The following ST3GAL4 variants were observed in gnomAD, a reference collection of about 807,000 sequenced individuals.
ST3GAL4 encodes the protein CMP-N-acetylneuraminate-beta-galactosamide-alpha-2,3-sialyltransferase 4.
Under a neutral mutation model 42.6 loss-of-function variants are expected in ST3GAL4, and 24 were observed. That is an observed-to-expected ratio of 0.56 (90% CI 0.41 to 0.79). ST3GAL4 has a LOEUF of 0.79. Among genes scored for constraint, ST3GAL4 ranks in the 30% least tolerant of loss-of-function variants. ST3GAL4 has a pLI of 0.00. For missense variants in ST3GAL4, 311 were observed against 430.8 expected, an observed-to-expected ratio of 0.72 and a Z score of 2.46; for synonymous variants, 135 against 163.2, an observed-to-expected ratio of 0.83 and a Z score of 1.32.
rs992299714 is a variant in ST3GAL4, at chr11:126,366,109, A to C, written c.-61+10267A>C. Among the ~76,000 whole-genome samples the C allele has an allele frequency of 1.3e-5, 2 of 151,986 alleles. No homozygotes were observed. Among genetic ancestry groups the C allele is most frequent in the Non-Finnish European group, 2.9e-5 (2 of 67,996 alleles). ...GAGGTTCCTGAGGGCTGGCACAGCC[A>C]CTCCCTGCCCCTTAGAGGCTCCGGG... On this transcript the variant is annotated intron_variant, in intron 1 of 10. Transcript: ENST00000444328. The surrounding 1 kb of genome is among the most constrained non-coding windows in gnomAD (Gnocchi z 4.2).
intron 1 of ST3GAL4, among the ~76,000 whole-genome samples, chr11:126,369,316 C>T (rs1333181701): frequency 6.6e-6 from 1 of 151,190 alleles, no homozygotes; most frequent in Non-Finnish European, 1.5e-5. Flanking sequence ...GGTGTGATCT[C>T]GGCTCACTGC....
In ST3GAL4 at chr11:126,366,588, G is replaced by T. The variant is rs956936278; in HGVS notation, c.-61+10746G>T. 3.3e-5 allele frequency among the ~76,000 whole-genome samples: 5 copies of T among 152,112 alleles called. No individual in the cohort carries two copies. Among genetic ancestry groups the T allele is most frequent in the African/African-American group, 1.2e-4 (5 of 41,406 alleles). The stretch of plus-strand genomic sequence containing the variant: ...TTCCACTCTCCTTCCCGTGTGCAGG[G>T]CCCTCCCCTCTGGCGAGTCTGCCTC... On this transcript the variant is annotated intron_variant, in intron 1 of 10. Coordinates refer to ENST00000444328, the MANE Select transcript of ST3GAL4 (RefSeq NM_001254757.2). The surrounding 1 kb of genome is among the most constrained non-coding windows in gnomAD (Gnocchi z 4.2).
At position 126,404,159 on chromosome 11, in the gene ST3GAL4, G is replaced by A. The variant is rs151225142; in HGVS notation, c.-60-1937G>A. ...ACTTGGACAGATAGATGAATCGCCA[G>A]GGTATCGTGTTTAAATGCAGATTCT... On this transcript the variant is annotated intron_variant, in intron 1 of 10. Coordinates refer to ENST00000444328, the MANE Select transcript of ST3GAL4 (RefSeq NM_001254757.2). 4.0e-3 allele frequency among the ~76,000 whole-genome samples: 604 copies of A among 152,316 alleles called. 5 individuals carry two copies. Among genetic ancestry groups the A allele is most frequent in the African/African-American group, 0.012 (497 of 41,558 alleles).
At chr11:126,399,813 G>A (rs915637285) in intron 1 of ST3GAL4, among the ~76,000 whole-genome samples, 2 of 152,092 alleles carry the variant, frequency 1.3e-5, no homozygotes, top group Non-Finnish European at 2.9e-5. Flanking sequence ...TTGCTGCTTT[G>A]TAACAAGGAT....
chr11:126,414,157 T>G lies in ST3GAL4; in HGVS notation c.*110T>G. On this transcript the variant is annotated 3_prime_UTR_variant, in exon 11 of 11. Transcript: ENST00000444328. Reference sequence around the variant, plus strand: ...GTATGACCCACTTGGACTCACCCCCTCTTGGGGAGGGAGTTCTGGGCCTGG... The same window carrying G: ...GTATGACCCACTTGGACTCACCCCCGCTTGGGGAGGGAGTTCTGGGCCTGG... 4 of 1,060,234 alleles carry G rather than the reference T, an allele frequency of 3.8e-6. No homozygotes were observed. Among genetic ancestry groups the G allele is most frequent in the Admixed American group, 1.8e-5 (1 of 54,220 alleles). 65.7% of individuals were successfully genotyped at this position (1,060,234 alleles called of 1,614,324 possible).
At chr11:126,377,602 A>G (rs1329846021) in intron 1 of ST3GAL4, among the ~76,000 whole-genome samples, 1 of 149,318 alleles carries the variant, frequency 6.7e-6, no homozygotes, top group Non-Finnish European at 1.5e-5. Context: ...CTCCTGTCTC[A>G]GCCTCCTGAG....
chr11:126,399,306 T>TTTC (rs1422930285), intron 1 of ST3GAL4, among the ~76,000 whole-genome samples: 1 of 132,670 alleles, frequency 7.5e-6, no homozygotes, highest in East Asian at 2.2e-4. Flanking sequence ...TCCTTCTTTT[T>TTTC]TTTTTTTTTT....
rs1052553702 is a variant in ST3GAL4, at chr11:126,391,657, A to G, written c.-60-14439A>G. On this transcript the variant is annotated intron_variant, in intron 1 of 10. Transcript: ENST00000444328. This position sits in a 1 kb window ranked among gnomAD's most constrained non-coding sequence, Gnocchi z 5.5. ...TCTCCTTGCCTCCCTGGCTGCTACA[A>G]GGTCCTGTGTAGCATCTGGTGTGGA... Among the ~76,000 whole-genome samples, 2 of 152,124 alleles carry G rather than the reference A, an allele frequency of 1.3e-5. No individual in the cohort carries two copies. The highest frequency in any genetic ancestry group is 3.9e-4 in the East Asian group (2 of 5,194).
Position 126,366,717 on chromosome 11 carries a change from G to A in ST3GAL4, c.-61+10875G>A, listed in dbSNP as rs1254888170. ...GTCTGGAAACATCCTTGTTCATCAAGCACCAGGCTGACCATGGTGTCCGTC... is the reference window on the plus strand; with the variant it reads ...GTCTGGAAACATCCTTGTTCATCAAACACCAGGCTGACCATGGTGTCCGTC... On this transcript the variant is annotated intron_variant, in intron 1 of 10. Coordinates refer to ENST00000444328, the MANE Select transcript of ST3GAL4 (RefSeq NM_001254757.2). The surrounding 1 kb of genome is among the most constrained non-coding windows in gnomAD (Gnocchi z 4.2). Among the ~76,000 whole-genome samples the A allele has an allele frequency of 4.6e-5, 7 of 152,174 alleles. No homozygotes were observed. The highest frequency in any genetic ancestry group is 1.7e-4 in the African/African-American group (7 of 41,428).
chr11:126,410,650 T>C lies in ST3GAL4; in HGVS notation c.771+1239T>C, dbSNP rs3781781. On this transcript the variant is annotated intron_variant, in intron 9 of 10. Coordinates refer to ENST00000444328, the MANE Select transcript of ST3GAL4 (RefSeq NM_001254757.2). The surrounding 1 kb of genome is among the most constrained non-coding windows in gnomAD (Gnocchi z 5.3). ...TTTATTGTTTACTGAACATTTCCTGTTATTCCATGTTCTGTGTTGAATGGC... is the reference window on the plus strand; with the variant it reads ...TTTATTGTTTACTGAACATTTCCTGCTATTCCATGTTCTGTGTTGAATGGC... Among the ~76,000 whole-genome samples the C allele has an allele frequency of 0.33, 50,565 of 151,884 alleles. 8,647 individuals carry two copies. The highest frequency in any genetic ancestry group is 0.52 in the East Asian group (2,687 of 5,146).
Position 126,387,763 on chromosome 11 carries a change from T to G in ST3GAL4, c.-60-18333T>G, listed in dbSNP as rs542483520. On this transcript the variant is annotated intron_variant, in intron 1 of 10. Coordinates refer to ENST00000444328, the MANE Select transcript of ST3GAL4 (RefSeq NM_001254757.2). ...ATTCCAGACCTCTGACCCCCAGGAC[T>G]TTTCTCTTGAGAGGCCATAGCCTTT... 7.4e-5 allele frequency among the ~76,000 whole-genome samples: 11 copies of G among 148,092 alleles called. No individual in the cohort carries two copies. The South Asian group carries it at 2.4e-3, about 32-fold the overall frequency.
At position 126,408,507 on chromosome 11, in the gene ST3GAL4, G is replaced by A; in HGVS notation, c.627+11G>A. 1 of 1,613,708 alleles carries A rather than the reference G, an allele frequency of 6.2e-7. No individual in the cohort carries two copies. The highest frequency in any genetic ancestry group is 8.5e-7 in the Non-Finnish European group (1 of 1,179,948). Reference sequence around the variant, plus strand: ...AGTGATAAGAAGCGGGTAAGTTGGGGGACAGACTGGGGGCTGAGGCCTGGC... The same window carrying A: ...AGTGATAAGAAGCGGGTAAGTTGGGAGACAGACTGGGGGCTGAGGCCTGGC... On this transcript the variant is annotated intron_variant, in intron 8 of 10. Transcript: ENST00000444328.
Position 126,406,252 on chromosome 11 carries a change from G to T in ST3GAL4, c.16+81G>T, listed in dbSNP as rs1954224305. On this transcript the variant is annotated intron_variant, in intron 2 of 10. Transcript: ENST00000444328. This position sits in a 1 kb window ranked among gnomAD's most constrained non-coding sequence, Gnocchi z 5.4. Reference sequence around the variant, plus strand: ...TCAGCAGGATCCTGGGACCTCTGGGGGCTGTGGAGGGACAGACAGGGAGCC... The same window carrying T: ...TCAGCAGGATCCTGGGACCTCTGGGTGCTGTGGAGGGACAGACAGGGAGCC... 1 of 1,550,208 alleles carries T rather than the reference G, an allele frequency of 6.5e-7. No individual in the cohort carries two copies. The highest frequency in any genetic ancestry group is 2.4e-5 in the East Asian group (1 of 40,946).
intron 1 of ST3GAL4, among the ~76,000 whole-genome samples, chr11:126,367,883 C>T (rs184063571): frequency 1.3e-5 from 2 of 152,284 alleles, no homozygotes; most frequent in African/African-American, 4.8e-5. Context: ...TGTGGTGGCT[C>T]ACACCAGTAA....
rs138520524 is a variant in ST3GAL4, at chr11:126,410,906, G to T, written c.771+1495G>T. Among the ~76,000 whole-genome samples, 1,117 of 152,292 alleles carry T rather than the reference G, an allele frequency of 7.3e-3. 6 individuals are homozygous for T. The highest frequency in any genetic ancestry group is 0.013 in the African/African-American group (557 of 41,552). ...CCCCAGAGGAGGTGGTGCTGGAGCCGGGCCTGGAAGGATCAGGCAGAGAGC... is the reference window on the plus strand; with the variant it reads ...CCCCAGAGGAGGTGGTGCTGGAGCCTGGCCTGGAAGGATCAGGCAGAGAGC... On this transcript the variant is annotated intron_variant, in intron 9 of 10. Transcript: ENST00000444328. The surrounding 1 kb of genome is among the most constrained non-coding windows in gnomAD (Gnocchi z 5.3).
chr11:126,410,457 A>G lies in ST3GAL4; in HGVS notation c.771+1046A>G, dbSNP rs75094854. 2.0e-4 allele frequency among the ~76,000 whole-genome samples: 31 copies of G among 152,292 alleles called. 1 individual carries two copies. Among genetic ancestry groups the G allele is most frequent in the African/African-American group, 7.5e-4 (31 of 41,560 alleles). ...GTACTGTGTGGGGCTTGGCAGGTCA[A>G]CTGCTCAGATCCTTGTTTTTCTTGC... On this transcript the variant is annotated intron_variant, in intron 9 of 10. Coordinates refer to ENST00000444328, the MANE Select transcript of ST3GAL4 (RefSeq NM_001254757.2). This position sits in a 1 kb window ranked among gnomAD's most constrained non-coding sequence, Gnocchi z 5.3.
At chr11:126,381,492 G>C (rs908508393) in intron 1 of ST3GAL4, among the ~76,000 whole-genome samples, 1 of 150,388 alleles carries the variant, frequency 6.6e-6, no homozygotes, top group Non-Finnish European at 1.5e-5. Flanking sequence ...CACCAGGATG[G>C]GATGGCTGGA....
intron 1 of ST3GAL4, among the ~76,000 whole-genome samples, chr11:126,372,258 C>T (rs955566706): frequency 6.6e-6 from 1 of 152,148 alleles, no homozygotes; most frequent in Non-Finnish European, 1.5e-5. Context: ...ATTCTGCTTT[C>T]TGTGTCTATG....
At chr11:126,375,176 G>A (rs921111146) in intron 1 of ST3GAL4, 17 of 152,322 alleles carry the variant, frequency 1.1e-4, no homozygotes, top group African/African-American at 3.6e-4. Flanking sequence ...TCGGATTCAT[G>A]GAAGTCTGGT....
Sources: allele counts gnomAD v4.1 joint callset (sites outside exome capture counted in the v4.1 genomes callset), GRCh38; gene constraint gnomAD v4.1.1; non-coding constraint Gnocchi (gnomAD v3.1); transcripts MANE v1.5; gene names NCBI Gene and HGNC (gene_info 2026-07-23, HGNC 2026-07-21).